CD96: variants seen among roughly 807,000 people sequenced by gnomAD.
CD96 encodes T-cell surface protein tactile.
A neutral mutation model predicts 71.3 loss-of-function variants in CD96; 70 were observed. The observed-to-expected ratio is 0.98, with a 90% CI of 0.81 to 1.20. CD96 has a LOEUF of 1.20. Ranked by LOEUF, CD96 falls within the 50% of genes most tolerant of loss-of-function variation. The pLI is 0.00. For missense variants in CD96, 742 were observed against 677.5 expected, an observed-to-expected ratio of 1.10 and a Z score of -1.06; for synonymous variants, 248 against 233.0, an observed-to-expected ratio of 1.06 and a Z score of -0.59.
intron 2 of CD96, among the ~76,000 whole-genome samples, chr3:111,564,678 A>T (rs376582765): frequency 6.6e-6 from 1 of 151,884 alleles, no homozygotes; most frequent in South Asian, 2.1e-4. Flanking sequence ...TAGGAATGTT[A>T]TTTTGTTCTC....
At chr3:111,655,164 C>G (rs74981515), downstream of CD96, among the ~76,000 whole-genome samples, 471 of 152,228 alleles carry the variant, frequency 3.1e-3, 1 homozygote, top group African/African-American at 0.011. Flanking sequence ...TGCACTGATT[C>G]AAAGGGACAT....
At chr3:111,641,513 C>G (rs1213609780) in intron 12 of CD96, among the ~76,000 whole-genome samples, 1 of 152,106 alleles carries the variant, frequency 6.6e-6, no homozygotes, top group African/African-American at 2.4e-5. Flanking sequence ...TACTAATAGA[C>G]CTAAGAAATG....
chr3:111,595,545 T>G (rs1937216150), intron 5 of CD96: 1 of 151,378 alleles, frequency 6.6e-6, no homozygotes, highest in Admixed American at 6.6e-5. Flanking sequence ...AAGAAAAGGA[T>G]GTTCCTGGCA....
chr3:111,622,119 C>G (rs190466869), intron 8 of CD96, among the ~76,000 whole-genome samples: 2 of 152,126 alleles, frequency 1.3e-5, no homozygotes, highest in Non-Finnish European at 2.9e-5. Context: ...AGCCTACTAT[C>G]ACACTCTGTA....
chr3:111,623,703 C>A, intron 8 of CD96, 51 bp from the exon 9 acceptor site: 1 of 1,130,912 alleles, frequency 8.8e-7, no homozygotes, highest in Non-Finnish European at 1.3e-6. Flanking sequence ...CACAGTTAAA[C>A]ATACGAATGT....
intron 12 of CD96, among the ~76,000 whole-genome samples, chr3:111,643,070 T>TAAAAAAAA (rs201908883): frequency 1.1e-5 from 1 of 94,356 alleles, no homozygotes; most frequent in Non-Finnish European, 2.2e-5. Flanking sequence ...CCAAAATCCT[T>TAAAAAAAA]AAAAAAAAAA....
chr3:111,573,401 C>A (rs900471436), intron 3 of CD96, among the ~76,000 whole-genome samples: 2 of 152,028 alleles, frequency 1.3e-5, no homozygotes, highest in South Asian at 2.1e-4. Flanking sequence ...TTAAAAACGG[C>A]AGCATGGGGA....
chr3:111,623,380 G>A (rs1291540925), intron 8 of CD96, among the ~76,000 whole-genome samples: 3 of 152,270 alleles, frequency 2.0e-5, no homozygotes, highest in African/African-American at 7.2e-5. Context: ...TTTCACAGTA[G>A]TATTTGTGAA....
intron 3 of CD96, among the ~76,000 whole-genome samples, chr3:111,573,356 A>C (rs1936073928): frequency 6.6e-6 from 1 of 152,208 alleles, no homozygotes; most frequent in African/African-American, 2.4e-5. Flanking sequence ...TATTGGACAT[A>C]TTTCCTACCA....
At chr3:111,631,941 C>T (rs1278067976) in intron 10 of CD96, among the ~76,000 whole-genome samples, 1 of 152,150 alleles carries the variant, frequency 6.6e-6, no homozygotes, top group Non-Finnish European at 1.5e-5. Context: ...AAAACTTAAA[C>T]TGGACCCCTT....
intron 5 of CD96, among the ~76,000 whole-genome samples, chr3:111,597,213 C>T (rs1394821169): frequency 6.6e-6 from 1 of 151,960 alleles, no homozygotes; most frequent in Non-Finnish European, 1.5e-5. Flanking sequence ...GATGAGAAAA[C>T]AAGTAATTAT....
At chr3:111,591,605 G>A (rs1172155612) in intron 5 of CD96, among the ~76,000 whole-genome samples, 1 of 151,602 alleles carries the variant, frequency 6.6e-6, no homozygotes, top group Admixed American at 6.6e-5. Context: ...TTTTTTCCTA[G>A]CATCTTTTGC....
chr3:111,570,311 T>G (rs1426477997), intron 3 of CD96, among the ~76,000 whole-genome samples: 3 of 151,868 alleles, frequency 2.0e-5, no homozygotes, highest in Non-Finnish European at 4.4e-5. Context: ...TTTGTGATTT[T>G]GGGGGAGTCG....
intron 13 of CD96, 47 bp downstream of exon 13, chr3:111,647,713 T>G: frequency 1.4e-6 from 2 of 1,389,922 alleles, no homozygotes; most frequent in Non-Finnish European, 2.0e-6. Context: ...TTTTTCATTA[T>G]AAAATATTCA....
chr3:111,633,940 G>T (rs1231308243), intron 10 of CD96: 2 of 152,642 alleles, frequency 1.3e-5, no homozygotes, highest in African/African-American at 4.8e-5. Context: ...TAGCTAAGAA[G>T]TTGCTCATCA....
chr3:111,606,800 T>C lies in CD96; in HGVS notation c.1180+8T>C. 1 of 1,477,682 alleles carries C rather than the reference T, an allele frequency of 6.8e-7. No homozygotes were observed. The highest frequency in any genetic ancestry group is 9.5e-7 in the Non-Finnish European group (1 of 1,055,346). The allele number at this position is 1,477,682 out of a possible 1,614,324, so 91.5% of individuals were successfully genotyped here. A position where few individuals can be genotyped will look rare whatever the true frequency, so the allele number is the denominator to read the frequency against. ...GCAGTGTATCTCCTGCAAGTAAGAA[T>C]GTTTTCACACTGAGCTATTGATTTA... is the stretch of plus-strand genomic sequence containing the variant. On this transcript the variant is annotated splice_region_variant and intron_variant, in intron 8 of 13. Coordinates refer to ENST00000352690, the MANE Select transcript of CD96 (RefSeq NM_005816.5).
At chr3:111,639,246 G>A (rs909366470) in intron 12 of CD96, among the ~76,000 whole-genome samples, 30 of 152,220 alleles carry the variant, frequency 2.0e-4, no homozygotes, top group East Asian at 5.8e-4. Context: ...AGCCCATCTC[G>A]CCCTCCACCT....
intron 2 of CD96, among the ~76,000 whole-genome samples, chr3:111,556,018 T>C (rs1044114993): frequency 1.5e-4 from 23 of 152,292 alleles, no homozygotes; most frequent in African/African-American, 4.8e-4. Flanking sequence ...ACACTGATTC[T>C]TTCTTCAGCC....
chr3:111,544,709 T>A (rs1222867747), intron 1 of CD96, among the ~76,000 whole-genome samples: 1 of 152,216 alleles, frequency 6.6e-6, no homozygotes, highest in East Asian at 1.9e-4. Context: ...AGAAGAATCG[T>A]CATACTAAGT....
Sources: gnomAD v4.1 joint callset for allele counts (sites outside exome capture counted in the v4.1 genomes callset) on GRCh38, gnomAD v4.1.1 for gene constraint, MANE v1.5 for transcripts, NCBI Gene and HGNC (gene_info 2026-07-23, HGNC 2026-07-21) for gene names.